The following PRDM15 variants were observed in gnomAD, a reference collection of about 807,000 sequenced individuals.
PRDM15 encodes the protein PR domain zinc finger protein 15.
In PRDM15, 64 loss-of-function variants were observed where a neutral mutation model predicts 128.6. The observed-to-expected ratio is 0.50, with a 90% CI of 0.41 to 0.61. The LOEUF is 0.61. Ranked by LOEUF, PRDM15 falls within the 20% of genes least tolerant of loss-of-function variation. PRDM15 has a pLI of 0.00. For synonymous variants in PRDM15, 615 were observed against 621.8 expected, an observed-to-expected ratio of 0.99 and a Z score of 0.16; for missense variants, 1,242 against 1,569.1, an observed-to-expected ratio of 0.79 and a Z score of 3.52.
At chr21:41,817,503 A>G (rs2062094188) in intron 18 of PRDM15, among the ~76,000 whole-genome samples, 2 of 152,210 alleles carry the variant, frequency 1.3e-5, no homozygotes, top group Non-Finnish European at 2.9e-5. Flanking sequence ...GGTCAGGGCT[A>G]GAATTTCTGG....
intron 21 of PRDM15, among the ~76,000 whole-genome samples, chr21:41,806,043 C>T (rs2061570151): frequency 1.4e-5 from 2 of 138,084 alleles, no homozygotes; most frequent in Non-Finnish European, 3.2e-5. Context: ...TCACCACCAC[C>T]ATCACCACCA....
At chr21:41,812,544 C>T (rs1048134946) in intron 19 of PRDM15, 2 of 152,082 alleles carry the variant, frequency 1.3e-5, no homozygotes, top group African/African-American at 2.4e-5. Flanking sequence ...AGGGTGAAGA[C>T]GAAAAGGCCG....
Position 41,801,628 on chromosome 21 carries a change from G to A in PRDM15, c.3038C>T (p.Ala1013Val), listed in dbSNP as rs372779699. The A allele has an allele frequency of 3.7e-5, 60 of 1,614,020 alleles. No individual in the cohort carries two copies. Among genetic ancestry groups the A allele is most frequent in the African/African-American group, 6.7e-5 (5 of 74,866 alleles). ...ITVTPITTAA[A>V]TQFTNLQPVA... Reference sequence around the variant, plus strand: ...CGGCTGGAGATTGGTAAACTGAGTCGCGGCCGCAGTGGTGATGGGGGTCAC... The same window carrying A: ...CGGCTGGAGATTGGTAAACTGAGTCACGGCCGCAGTGGTGATGGGGGTCAC... Residue 1013 changes from alanine to valine, a missense_variant, in exon 24 of 24, where the codon GCG (alanine) becomes GTG (valine). Ala to Val is a moderately conservative substitution (Grantham distance 64). Around this residue, in one of 3 missense-constraint regions of PRDM15, gnomAD observed 602 missense variants for 788.3 expected, o/e 0.76. Transcript: ENST00000398548.
At chr21:41,838,485 A>G (rs570140339) in intron 7 of PRDM15, among the ~76,000 whole-genome samples, 45 of 152,348 alleles carry the variant, frequency 3.0e-4, no homozygotes, top group African/African-American at 9.9e-4. Flanking sequence ...ACCATTTTGT[A>G]TAAGAGTTAA....
chr21:41,837,367 A>G (rs574377708), intron 8 of PRDM15, among the ~76,000 whole-genome samples: 4 of 152,354 alleles, frequency 2.6e-5, no homozygotes, highest in African/African-American at 9.6e-5. Context: ...ATGATGGTAT[A>G]TTACTCAGTG....
At chr21:41,838,837 T>A (rs2062980424) in intron 7 of PRDM15, among the ~76,000 whole-genome samples, 1 of 152,170 alleles carries the variant, frequency 6.6e-6, no homozygotes, top group Admixed American at 6.5e-5. Flanking sequence ...TGTCTCTAAT[T>A]AATAGAAGCA....
At chr21:41,809,853 AG>A (rs1365490063) in intron 21 of PRDM15, among the ~76,000 whole-genome samples, 3 of 152,152 alleles carry the variant, frequency 2.0e-5, no homozygotes, top group Non-Finnish European at 4.4e-5. Flanking sequence ...TTTGCACATT[AG>A]TTCCATGAGT....
At position 41,832,617 on chromosome 21, in the gene PRDM15, G is replaced by A. The variant is rs1007787594; in HGVS notation, c.1366+2820C>T. On this transcript the variant is annotated intron_variant, in intron 11 of 23. Transcript: ENST00000398548. This position sits in a 1 kb window ranked among gnomAD's most constrained non-coding sequence, Gnocchi z 4.2. ...GCCTCCCTCCCAGCCAGGCACTAAAGAGCACAGGTGAGCCTCCCTCCCGGG... is the reference window on the plus strand; with the variant it reads ...GCCTCCCTCCCAGCCAGGCACTAAAAAGCACAGGTGAGCCTCCCTCCCGGG... 6.6e-6 allele frequency among the ~76,000 whole-genome samples: 1 copy of A among 151,956 alleles called. No homozygotes were observed. Among genetic ancestry groups the A allele is most frequent in the Non-Finnish European group, 1.5e-5 (1 of 67,958 alleles).
Position 41,800,933 on chromosome 21 carries a change from T to C in PRDM15, c.*307A>G. The C allele has an allele frequency of 3.0e-6, 1 of 331,780 alleles. No individual in the cohort carries two copies. The highest frequency in any genetic ancestry group is 5.5e-6 in the Non-Finnish European group (1 of 183,318). 20.6% of individuals were successfully genotyped at this position (331,780 alleles called of 1,614,324 possible). On this transcript the variant is annotated 3_prime_UTR_variant, in exon 24 of 24. Transcript: ENST00000398548. ...CTCTCAGCTTCACTTTCCCGAACCC[T>C]GTGTCGGGCGAACACTGGTTCTGTA...
chr21:41,873,647 C>T (rs548217803), intron 1 of PRDM15, among the ~76,000 whole-genome samples: 57 of 152,202 alleles, frequency 3.7e-4, no homozygotes, highest in Admixed American at 1.9e-3. Flanking sequence ...TCTCCGTTCT[C>T]ACTTTCTGAA....
chr21:41,835,381 G>GT, intron 11 of PRDM15, 56 bp downstream of exon 11: 2 of 1,399,224 alleles, frequency 1.4e-6, no homozygotes, highest in Non-Finnish European at 2.0e-6. Flanking sequence ...TCTCCGCGGC[G>GT]TATCTAGAAT....
At chr21:41,817,383 C>CCA (rs1436648493) in intron 18 of PRDM15, among the ~76,000 whole-genome samples, 2 of 152,156 alleles carry the variant, frequency 1.3e-5, no homozygotes, top group Admixed American at 6.6e-5. Context: ...ACGTTTTCCT[C>CCA]CACACACACA....
chr21:41,851,444 C>T (rs754195831), intron 5 of PRDM15, among the ~76,000 whole-genome samples: 2 of 152,192 alleles, frequency 1.3e-5, no homozygotes, highest in East Asian at 1.9e-4. Flanking sequence ...GTGCATTGGG[C>T]GGGCAGGGCT....
At chr21:41,816,939 C>T (rs1343812463) in intron 18 of PRDM15, among the ~76,000 whole-genome samples, 1 of 151,768 alleles carries the variant, frequency 6.6e-6, no homozygotes. Context: ...ACGCCCAGAC[C>T]CCAGCACTTC....
intron 4 of PRDM15, 127 bp downstream of exon 4, chr21:41,857,049 A>C: frequency 1.3e-6 from 1 of 796,832 alleles, no homozygotes; most frequent in Non-Finnish European, 2.1e-6. Flanking sequence ...GCAGACCTAC[A>C]ATATTTGGAG....
chr21:41,864,848 G>A (rs2145954948), intron 1 of PRDM15, among the ~76,000 whole-genome samples: 1 of 152,046 alleles, frequency 6.6e-6, no homozygotes, highest in African/African-American at 2.4e-5. Context: ...CACATGACCA[G>A]GCACTGCCTT....
intron 5 of PRDM15, among the ~76,000 whole-genome samples, chr21:41,847,994 G>A (rs1205629418): frequency 6.6e-6 from 1 of 152,246 alleles, no homozygotes; most frequent in African/African-American, 2.4e-5. Flanking sequence ...TTTTAAGTGA[G>A]TGTACCATGA....
intron 1 of PRDM15, chr21:41,878,599 A>C: frequency 3.3e-6 from 2 of 613,442 alleles, no homozygotes; most frequent in Non-Finnish European, 5.0e-6. Context: ...CACCCCGGGT[A>C]GGCACGCGTC....
At position 41,828,596 on chromosome 21, in the gene PRDM15, C is replaced by T. The variant is rs184761478; in HGVS notation, c.1367-263G>A. Among the ~76,000 whole-genome samples, 7 of 152,078 alleles carry T rather than the reference C, an allele frequency of 4.6e-5. No individual in the cohort carries two copies. Among genetic ancestry groups the T allele is most frequent in the African/African-American group, 9.6e-5 (4 of 41,462 alleles). On this transcript the variant is annotated intron_variant, in intron 11 of 23. Transcript: ENST00000398548. The surrounding 1 kb of genome is among the most constrained non-coding windows in gnomAD (Gnocchi z 5.7). ...CAAGCAACGCCAGCCGCCTCCCTCC[C>T]GGGCCACCCTGCCCCACAGCACCTG...
Sources: allele counts gnomAD v4.1 joint callset (sites outside exome capture counted in the v4.1 genomes callset), GRCh38; gene constraint gnomAD v4.1.1; regional missense constraint gnomAD v4.1.1; non-coding constraint Gnocchi (gnomAD v3.1); transcripts MANE v1.5; gene names NCBI Gene and HGNC (gene_info 2026-07-23, HGNC 2026-07-21).